The following ATP2B2 variants were observed in gnomAD, a reference collection of about 807,000 sequenced individuals.
The protein encoded by ATP2B2 is plasma membrane calcium-transporting ATPase 2.
ATP2B2 carries 15 observed loss-of-function variants against 120.0 expected under a neutral mutation model. That is an observed-to-expected ratio of 0.12 (90% CI 0.08 to 0.19). The LOEUF (loss-of-function observed/expected upper bound fraction) is 0.19, where lower values mean the gene tolerates loss of function less well. Ranked by LOEUF, ATP2B2 falls within the 10% of genes least tolerant of loss-of-function variation. ATP2B2 has a pLI of 1.00. For synonymous variants in ATP2B2, 694 were observed against 700.3 expected (o/e 0.99, Z 0.14); for missense variants, 1,045 against 1,719.8 (o/e 0.61, Z 6.94).
chr3:10,642,072 C>T (rs1230895372), intron 1 of ATP2B2, among the ~76,000 whole-genome samples: 2 of 152,038 alleles, frequency 1.3e-5, no homozygotes, highest in South Asian at 2.1e-4. Context: ...TCATCCACCC[C>T]TCCACCCATC....
chr3:10,372,283 C>G (rs1180867533), intron 11 of ATP2B2, among the ~76,000 whole-genome samples: 1 of 152,136 alleles, frequency 6.6e-6, no homozygotes, highest in Non-Finnish European at 1.5e-5. Context: ...ATTTAAAGGA[C>G]TCAGTTAATT....
At chr3:10,417,066 C>CTG (rs2062811641) in intron 2 of ATP2B2, among the ~76,000 whole-genome samples, 1 of 38,108 alleles carries the variant, frequency 2.6e-5, no homozygotes, top group East Asian at 2.9e-3. Context: ...TCCCAGACGG[C>CTG]GGCGGGGGGG....
intron 1 of ATP2B2, among the ~76,000 whole-genome samples, chr3:10,479,240 A>G (rs926375226): frequency 4.2e-5 from 6 of 143,876 alleles, no homozygotes; most frequent in Non-Finnish European, 9.2e-5. Flanking sequence ...GATAAAGAAA[A>G]CACTCCCACA....
intron 1 of ATP2B2, chr3:10,626,357 C>T (rs1038194984): frequency 1.5e-4 from 23 of 152,336 alleles, no homozygotes; most frequent in African/African-American, 4.8e-4. Context: ...TCCTCACAAG[C>T]AGGGGGAAAT....
chr3:10,551,250 G>A (rs1451695184), intron 2 of ATP2B2, among the ~76,000 whole-genome samples: 1 of 152,224 alleles, frequency 6.6e-6, no homozygotes, highest in African/African-American at 2.4e-5. Context: ...GTACCTGATG[G>A]AGGAGTGATC....
At chr3:10,533,596 C>T (rs2067252795) in intron 3 of ATP2B2, among the ~76,000 whole-genome samples, 1 of 152,240 alleles carries the variant, frequency 6.6e-6, no homozygotes, top group Admixed American at 6.5e-5. Flanking sequence ...ACTACCCCAG[C>T]TCCAACGCTT....
At chr3:10,337,468 A>C (rs1306541423) in intron 22 of ATP2B2, among the ~76,000 whole-genome samples, 9 of 152,144 alleles carry the variant, frequency 5.9e-5, no homozygotes, top group Non-Finnish European at 1.0e-4. Context: ...TGCTCCAGGC[A>C]TAAGGGGACC....
At chr3:10,699,498 A>C (rs1310926181) in intron 1 of ATP2B2, among the ~76,000 whole-genome samples, 1 of 152,254 alleles carries the variant, frequency 6.6e-6, no homozygotes, top group Non-Finnish European at 1.5e-5. Flanking sequence ...GACATTTGAC[A>C]AAATATTAAT....
chr3:10,333,328 G>T (rs941468500), intron 22 of ATP2B2, among the ~76,000 whole-genome samples: 13 of 152,104 alleles, frequency 8.5e-5, no homozygotes, highest in African/African-American at 3.1e-4. Flanking sequence ...TGCGGTGGGG[G>T]TGAAGGAGTT....
chr3:10,457,569 T>TGA (rs55745980), intron 1 of ATP2B2, among the ~76,000 whole-genome samples: 1 of 150,558 alleles, frequency 6.6e-6, no homozygotes, highest in Non-Finnish European at 1.5e-5. Context: ...TGTGTGTGTG[T>TGA]GAGAGAGAGA....
chr3:10,662,926 G>A (rs907483130), intron 1 of ATP2B2, among the ~76,000 whole-genome samples: 2 of 152,008 alleles, frequency 1.3e-5, no homozygotes, highest in African/African-American at 4.8e-5. Flanking sequence ...AAAATGATGA[G>A]TTCATGTCCT....
intron 3 of ATP2B2, among the ~76,000 whole-genome samples, chr3:10,515,369 A>G (rs2066856613): frequency 6.6e-6 from 1 of 152,182 alleles, no homozygotes; most frequent in Admixed American, 6.5e-5. Context: ...TTCATAGACA[A>G]TCTGATCTAA....
At chr3:10,493,980 C>T (rs1049018343) in intron 1 of ATP2B2, among the ~76,000 whole-genome samples, 5 of 152,260 alleles carry the variant, frequency 3.3e-5, no homozygotes, top group South Asian at 2.1e-4. Context: ...AAAGGAAAAG[C>T]GGCATGAAGG....
At chr3:10,601,512 T>C (rs868381988) in intron 2 of ATP2B2, among the ~76,000 whole-genome samples, 1 of 152,226 alleles carries the variant, frequency 6.6e-6, no homozygotes, top group East Asian at 1.9e-4. Flanking sequence ...CATTTATAAA[T>C]GGAGGTCATA....
chr3:10,669,471 G>T (rs116018806), intron 1 of ATP2B2, among the ~76,000 whole-genome samples: 1 of 151,762 alleles, frequency 6.6e-6, no homozygotes, highest in South Asian at 2.1e-4. Flanking sequence ...TGTGTTTGGG[G>T]CTCACCTCTC....
At chr3:10,662,389 T>C (rs971355530) in intron 1 of ATP2B2, among the ~76,000 whole-genome samples, 3 of 147,348 alleles carry the variant, frequency 2.0e-5, no homozygotes, top group Admixed American at 6.7e-5. Context: ...TCAAACAAAT[T>C]TACAAGAAAA....
At chr3:10,700,738 T>C (rs1397568390) in intron 1 of ATP2B2, among the ~76,000 whole-genome samples, 1 of 152,230 alleles carries the variant, frequency 6.6e-6, no homozygotes, top group Non-Finnish European at 1.5e-5. Flanking sequence ...CAGTGTGCCA[T>C]AGCTTAAAAC....
intron 5 of ATP2B2, chr3:10,394,620 C>T (rs372653802): frequency 4.1e-5 from 18 of 440,502 alleles, no homozygotes; most frequent in East Asian, 2.2e-4. Flanking sequence ...TCCCTGGAGA[C>T]GGTGGCAGTG....
chr3:10,351,462 A>G (rs1186397224), intron 14 of ATP2B2, among the ~76,000 whole-genome samples: 1 of 152,202 alleles, frequency 6.6e-6, no homozygotes, highest in African/African-American at 2.4e-5. Context: ...GTTTGGGAGG[A>G]CCACAGCCTG....
Sources: allele counts gnomAD v4.1 joint callset (sites outside exome capture counted in the v4.1 genomes callset), GRCh38; gene constraint gnomAD v4.1.1; transcripts MANE v1.5; gene names NCBI Gene and HGNC (gene_info 2026-07-23, HGNC 2026-07-21).